The following PTN variants were observed in gnomAD, a reference collection of about 807,000 sequenced individuals.
PTN encodes pleiotrophin, also known as heparin affin regulatory protein.
A neutral mutation model predicts 24.1 loss-of-function variants in PTN; 18 were observed. That is an observed-to-expected ratio of 0.75 (90% CI 0.52 to 1.11). PTN has a LOEUF of 1.11. Ranked by LOEUF, PTN falls within the 50% of genes least tolerant of loss-of-function variation. The pLI is 0.00. For missense variants in PTN, 163 were observed against 198.8 expected (o/e 0.82, Z 1.08); for synonymous variants, 78 against 68.6 (o/e 1.14, Z -0.67).
intron 1 of PTN, among the ~76,000 whole-genome samples, chr7:137,257,238 C>T (rs1322985240): frequency 1.3e-5 from 2 of 152,218 alleles, no homozygotes; most frequent in African/African-American, 2.4e-5. Flanking sequence ...AGATAAGGTG[C>T]TTTGTTCTTC....
chr7:137,292,781 A>G (rs1367287943), intron 1 of PTN, among the ~76,000 whole-genome samples: 2 of 152,198 alleles, frequency 1.3e-5, no homozygotes, highest in Non-Finnish European at 2.9e-5. Flanking sequence ...AATATTTTCA[A>G]TTCAGGTTTG....
rs117277020 is a variant in PTN at position 137,258,088 on chromosome 7, G to A, written c.-1-3114C>T. Among the ~76,000 whole-genome samples, 22 of 152,056 alleles carry A rather than the reference G, an allele frequency of 1.4e-4. No homozygotes were observed. The East Asian group carries it at 3.7e-3, about 25-fold the overall frequency. On this transcript the variant is annotated intron_variant, in intron 1 of 4. Coordinates refer to ENST00000348225, the MANE Select transcript of PTN (RefSeq NM_002825.7). ...ATATTGTTAAACTCTTGTTTTCATCGTTATTTTCAAAAAGATTTCCTTAAT... is the reference window on the plus strand; with the variant it reads ...ATATTGTTAAACTCTTGTTTTCATCATTATTTTCAAAAAGATTTCCTTAAT...
intron 1 of PTN, among the ~76,000 whole-genome samples, chr7:137,334,066 C>T (rs1487501049): frequency 1.3e-5 from 2 of 152,128 alleles, no homozygotes; most frequent in Non-Finnish European, 2.9e-5. Flanking sequence ...GACTTAAACG[C>T]TAGACCTAAA....
chr7:137,297,752 C>G (rs573942210), intron 1 of PTN, among the ~76,000 whole-genome samples: 1 of 151,964 alleles, frequency 6.6e-6, no homozygotes, highest in Admixed American at 6.6e-5. Flanking sequence ...AGACGGCAAA[C>G]GAATCTATTG....
intron 1 of PTN, among the ~76,000 whole-genome samples, chr7:137,294,396 T>C (rs1398310267): frequency 6.6e-6 from 1 of 152,100 alleles, no homozygotes; most frequent in East Asian, 1.9e-4. Context: ...CGACTCTCTC[T>C]CTGGCTTGGG....
At chr7:137,265,339 A>G (rs1809121847) in intron 1 of PTN, among the ~76,000 whole-genome samples, 1 of 152,184 alleles carries the variant, frequency 6.6e-6, no homozygotes, top group Non-Finnish European at 1.5e-5. Context: ...CAATTGGACT[A>G]AAGTATAAGT....
chr7:137,294,259 AGGTCCTTAGTAGG>A (rs1447424651), intron 1 of PTN, among the ~76,000 whole-genome samples: 1 of 152,098 alleles, frequency 6.6e-6, no homozygotes, highest in Non-Finnish European at 1.5e-5. Flanking sequence ...CAGTCTGCTT[AGGTCCTTAGTAGG>A]GCTGGTGATG....
chr7:137,227,980 G>A lies in PTN; in HGVS notation c.*40C>T. On this transcript the variant is annotated 3_prime_UTR_variant, in exon 5 of 5. Coordinates refer to ENST00000348225, the MANE Select transcript of PTN (RefSeq NM_002825.7). ...ATAAATGCAATAGTTAACTGATCCTGTTTGCTGATGTCCTTTTTATGTTCC... is the reference window on the plus strand; with the variant it reads ...ATAAATGCAATAGTTAACTGATCCTATTTGCTGATGTCCTTTTTATGTTCC... The A allele has an allele frequency of 1.2e-6, 2 of 1,600,834 alleles. No individual in the cohort carries two copies. Among genetic ancestry groups the A allele is most frequent in the African/African-American group, 1.4e-5 (1 of 74,038 alleles).
chr7:137,324,431 A>ATATATATATATATATATATATATATATAT (rs1554383212), intron 1 of PTN, among the ~76,000 whole-genome samples: 1 of 63,082 alleles, frequency 1.6e-5, no homozygotes, highest in African/African-American at 8.1e-5. Context: ...AAAAAAAAAA[A>ATATATATATATATATATATATATATATAT]AAATATATAT....
chr7:137,241,922 C>T (rs1808635594), intron 4 of PTN, among the ~76,000 whole-genome samples: 1 of 152,128 alleles, frequency 6.6e-6, no homozygotes, highest in Non-Finnish European at 1.5e-5. Context: ...CCAGGCCAGC[C>T]TGTGGTGGGA....
chr7:137,237,469 C>A (rs1405078424), intron 4 of PTN, among the ~76,000 whole-genome samples: 2 of 152,050 alleles, frequency 1.3e-5, no homozygotes. Context: ...TTTTGTGTAT[C>A]CTTCAGAGCA....
chr7:137,297,705 C>T (rs1256461037), intron 1 of PTN, among the ~76,000 whole-genome samples: 7 of 151,922 alleles, frequency 4.6e-5, no homozygotes, highest in South Asian at 2.1e-4. Context: ...TTTGAATTCC[C>T]GACAGTTCCT....
At chr7:137,265,988 A>T (rs1809136805) in intron 1 of PTN, among the ~76,000 whole-genome samples, 2 of 152,360 alleles carry the variant, frequency 1.3e-5, no homozygotes, top group South Asian at 4.1e-4. Context: ...TAGATAAGCT[A>T]AATTTTACTT....
intron 4 of PTN, among the ~76,000 whole-genome samples, chr7:137,247,588 T>A (rs1808746745): frequency 6.6e-6 from 1 of 152,144 alleles, no homozygotes; most frequent in Non-Finnish European, 1.5e-5. Context: ...ACCTACTATT[T>A]GATAGCACAA....
chr7:137,267,316 T>C (rs373201023), intron 1 of PTN, among the ~76,000 whole-genome samples: 2 of 151,270 alleles, frequency 1.3e-5, no homozygotes, highest in Admixed American at 1.3e-4. Context: ...TTGCCTCTTT[T>C]TCTCTCTTTC....
chr7:137,340,860 G>A (rs576842501), intron 1 of PTN, among the ~76,000 whole-genome samples: 2 of 152,220 alleles, frequency 1.3e-5, no homozygotes, highest in East Asian at 3.9e-4. Flanking sequence ...ACATTGGGTG[G>A]TCTCAGTCTG....
At chr7:137,296,669 G>C (rs754821191) in intron 1 of PTN, among the ~76,000 whole-genome samples, 6 of 152,068 alleles carry the variant, frequency 3.9e-5, no homozygotes, top group African/African-American at 7.2e-5. Flanking sequence ...GTAGAACTCT[G>C]ATTTCACACT....
At chr7:137,278,254 C>A (rs1809400097) in intron 1 of PTN, among the ~76,000 whole-genome samples, 1 of 130,424 alleles carries the variant, frequency 7.7e-6, no homozygotes, top group Non-Finnish European at 1.5e-5. Context: ...TTGCAGTGAG[C>A]CGAGATCGCG....
At chr7:137,262,804 A>G (rs1809066170) in intron 1 of PTN, among the ~76,000 whole-genome samples, 1 of 152,226 alleles carries the variant, frequency 6.6e-6, no homozygotes, top group South Asian at 2.1e-4. Flanking sequence ...TGGAATCTAT[A>G]GATAACAACA....
Sources: allele counts gnomAD v4.1 joint callset (sites outside exome capture counted in the v4.1 genomes callset), GRCh38; gene constraint gnomAD v4.1.1; transcripts MANE v1.5; gene names NCBI Gene and HGNC (gene_info 2026-07-23, HGNC 2026-07-21).